The following LRRIQ3 variants were observed in gnomAD, a reference collection of about 807,000 sequenced individuals.
The protein encoded by LRRIQ3 is leucine rich repeats and IQ motif containing 3.
LRRIQ3 carries 75 observed loss-of-function variants against 59.3 expected under a neutral mutation model. The ratio of observed to expected loss-of-function variants is 1.26; its 90% CI spans 1.05 to 1.53. The LOEUF (loss-of-function observed/expected upper bound fraction) is 1.53. Ranked by LOEUF, LRRIQ3 falls within the 40% of genes most tolerant of loss-of-function variation. The pLI, the probability that LRRIQ3 is intolerant of heterozygous loss-of-function variation, is 0.00. For missense variants in LRRIQ3, 831 were observed against 710.0 expected (o/e 1.17, Z -1.94); for synonymous variants, 250 against 231.3 (o/e 1.08, Z -0.73).
At chr1:74,085,759 C>G (rs1460951671) in intron 5 of LRRIQ3, among the ~76,000 whole-genome samples, 1 of 151,916 alleles carries the variant, frequency 6.6e-6, no homozygotes, top group Non-Finnish European at 1.5e-5. Context: ...AGGCAGTGTG[C>G]TGGAATGGAG....
chr1:74,128,308 CTG>C (rs1310536420), intron 4 of LRRIQ3, among the ~76,000 whole-genome samples: 5 of 151,962 alleles, frequency 3.3e-5, no homozygotes, highest in African/African-American at 1.2e-4. Context: ...TTTGTCTCCT[CTG>C]TATGTTTTGT....
chr1:74,161,157 T>A (rs1648636073), intron 3 of LRRIQ3, among the ~76,000 whole-genome samples: 1 of 151,976 alleles, frequency 6.6e-6, no homozygotes, highest in African/African-American at 2.4e-5. Flanking sequence ...TGTCCTCACG[T>A]AATGGAAAGG....
chr1:74,148,738 T>G (rs990344651), intron 4 of LRRIQ3, among the ~76,000 whole-genome samples: 3 of 152,184 alleles, frequency 2.0e-5, no homozygotes, highest in Non-Finnish European at 4.4e-5. Flanking sequence ...TAATTACATC[T>G]GCATAATATC....
chr1:74,055,865 C>A (rs1654517340), intron 6 of LRRIQ3, among the ~76,000 whole-genome samples: 1 of 152,072 alleles, frequency 6.6e-6, no homozygotes, highest in South Asian at 2.1e-4. Context: ...TGAATAAAGT[C>A]CTGGCATGTT....
At chr1:74,142,182 T>G (rs1034774923) in intron 4 of LRRIQ3, among the ~76,000 whole-genome samples, 3 of 152,058 alleles carry the variant, frequency 2.0e-5, no homozygotes, top group Admixed American at 2.0e-4. Context: ...AATTGTTGCA[T>G]CATATGGTAG....
At chr1:74,070,211 A>C (rs893790946) in intron 6 of LRRIQ3, among the ~76,000 whole-genome samples, 2 of 152,152 alleles carry the variant, frequency 1.3e-5, no homozygotes, top group Non-Finnish European at 2.9e-5. Flanking sequence ...TCAATAGCAA[A>C]GACATGTAAT....
At chr1:74,079,353 C>A (rs1347871946) in intron 5 of LRRIQ3, among the ~76,000 whole-genome samples, 1 of 151,656 alleles carries the variant, frequency 6.6e-6, no homozygotes, top group African/African-American at 2.4e-5. Flanking sequence ...TAAGCTATTG[C>A]ATGCCTCAGG....
Position 74,183,512 on chromosome 1 carries a change from G to T in LRRIQ3, c.173C>A (p.Ser58Ter). 1 of 1,610,904 alleles carries T rather than the reference G, an allele frequency of 6.2e-7. No homozygotes were observed. The stretch of plus-strand genomic sequence containing the variant: ...ATGAATATCTGTAATAAAATTGTTT[G>T]AGAAGATGCATACTCTAAGAGAGAT... ...SCISLRVCIF[S>*]NNFITDIHPL... The change falls in exon 2 of 8, where the codon TCA becomes TAA. Residue 58 changes from serine (S) to a stop codon, truncating the protein, a stop_gained. Transcript: ENST00000354431. LOFTEE classifies it high-confidence loss of function.
At chr1:74,115,758 T>G (rs998559273) in intron 4 of LRRIQ3, among the ~76,000 whole-genome samples, 1 of 152,070 alleles carries the variant, frequency 6.6e-6, no homozygotes, top group African/African-American at 2.4e-5. Flanking sequence ...ATGTTATATA[T>G]TACAGTTTAG....
At chr1:74,180,962 AT>A in intron 3 of LRRIQ3, 1 of 652,832 alleles carries the variant, frequency 1.5e-6, no homozygotes, top group East Asian at 2.9e-5. Flanking sequence ...GTTTAGTTTT[AT>A]TTTTGTTTCC....
At chr1:74,156,447 C>T (rs564030982) in intron 3 of LRRIQ3, among the ~76,000 whole-genome samples, 133 of 151,094 alleles carry the variant, frequency 8.8e-4, no homozygotes, top group Middle Eastern at 3.4e-3. Context: ...AGTAAAAGAA[C>T]AATAATTAGT....
In LRRIQ3 at chr1:74,041,244, T is replaced by G; in HGVS notation, c.1687A>C (p.Lys563Gln). Reference protein sequence around the residue: ...KQKLKAEKYRKNLLKEMKKVR... With the variant: ...KQKLKAEKYRQNLLKEMKKVR... Reference sequence around the variant, plus strand: ...TTTTTCATTTCTTTAAGTAAATTCTTTCTATATTTTTCTGCTTTTAGTTTT... The same window carrying G: ...TTTTTCATTTCTTTAAGTAAATTCTGTCTATATTTTTCTGCTTTTAGTTTT... The change falls in exon 7 of 8, where the codon AAG becomes CAG. Residue 563 changes from lysine to glutamine, a missense_variant. Lys to Gln is a moderately conservative substitution (Grantham distance 53). Coordinates refer to ENST00000354431, the MANE Select transcript of LRRIQ3 (RefSeq NM_001105659.2). 6.3e-7 allele frequency: 1 copy of G among 1,587,252 alleles called. No individual in the cohort carries two copies. The highest frequency in any genetic ancestry group is 1.2e-5 in the South Asian group (1 of 85,162).
chr1:74,066,599 A>G lies in LRRIQ3; in HGVS notation c.997+8062T>C, dbSNP rs148406189. ...TTTTACTGGAAAATTGAGTATACAC[A>G]TGTGCTAGACTTTATGTCAAGTACT... is the stretch of plus-strand genomic sequence containing the variant. On this transcript the variant is annotated intron_variant, in intron 6 of 7. Transcript: ENST00000354431. 3.7e-3 allele frequency among the ~76,000 whole-genome samples: 568 copies of G among 152,280 alleles called. 9 individuals carry two copies. Among genetic ancestry groups the G allele is most frequent in the African/African-American group, 0.013 (529 of 41,566 alleles).
intron 7 of LRRIQ3, among the ~76,000 whole-genome samples, chr1:74,037,646 A>G (rs1457490357): frequency 1.3e-5 from 2 of 152,112 alleles, no homozygotes; most frequent in Non-Finnish European, 2.9e-5. Flanking sequence ...AAAACAAAAC[A>G]AAAAACAAAC....
At chr1:74,072,864 T>G (rs1285563183) in intron 6 of LRRIQ3, among the ~76,000 whole-genome samples, 2 of 152,168 alleles carry the variant, frequency 1.3e-5, no homozygotes, top group African/African-American at 4.8e-5. Context: ...TCGAATATTC[T>G]GACCATAATG....
intron 5 of LRRIQ3, chr1:74,082,304 T>C (rs1182193230): frequency 6.6e-6 from 1 of 151,528 alleles, no homozygotes; most frequent in Non-Finnish European, 1.5e-5. Flanking sequence ...AAACCTCATG[T>C]TTTAGGCCAA....
intron 4 of LRRIQ3, among the ~76,000 whole-genome samples, chr1:74,130,549 T>C (rs1302741493): frequency 6.6e-6 from 1 of 152,126 alleles, no homozygotes; most frequent in Non-Finnish European, 1.5e-5. Flanking sequence ...CCTTCATTGA[T>C]ATGAAGATAA....
At chr1:74,174,446 G>A (rs911098690) in intron 3 of LRRIQ3, among the ~76,000 whole-genome samples, 14 of 151,596 alleles carry the variant, frequency 9.2e-5, no homozygotes, top group South Asian at 2.1e-4. Flanking sequence ...GCAATGGTGC[G>A]ATCTCAGCTC....
rs546508404 is a variant in LRRIQ3 at position 74,167,250 on chromosome 1, A to G, written c.574-11384T>C. ...AGAGGATAAAGAAAATGTGGTATAC[A>G]TATACCATGGAATACGACTCAGCCA... On this transcript the variant is annotated intron_variant, in intron 3 of 7. Transcript: ENST00000354431. 1.6e-3 allele frequency among the ~76,000 whole-genome samples: 249 copies of G among 152,188 alleles called. 1 individual carries two copies. The highest frequency in any genetic ancestry group is 2.3e-3 in the Non-Finnish European group (159 of 67,952).
Sources: gnomAD v4.1 joint callset for allele counts (sites outside exome capture counted in the v4.1 genomes callset) on GRCh38, gnomAD v4.1.1 for gene constraint, MANE v1.5 for transcripts, NCBI Gene and HGNC (gene_info 2026-07-23, HGNC 2026-07-21) for gene names.